Variants in CRMP1 observed in about 807,000 individuals in gnomAD.
The protein encoded by CRMP1 is collapsin response mediator protein 1, also known as dihydropyrimidinase-related protein 1.
A neutral mutation model predicts 68.3 loss-of-function variants in CRMP1; 19 were observed. The ratio of observed to expected loss-of-function variants is 0.28; its 90% confidence interval spans 0.19 to 0.41. CRMP1 has a LOEUF of 0.41. Ranked by LOEUF, CRMP1 falls within the 10% of genes least tolerant of loss-of-function variation. The probability of loss-of-function intolerance (pLI) is 1.00; values close to 1 mark genes in which losing one functional copy is unlikely to be tolerated. For missense variants in CRMP1, 791 were observed against 967.4 expected, an observed-to-expected ratio of 0.82 and a Z score of 2.42; for synonymous variants, 439 against 399.6, an observed-to-expected ratio of 1.10 and a Z score of -1.18.
At chr4:5,848,289 T>C (rs1216638347) in intron 6 of CRMP1, among the ~76,000 whole-genome samples, 2 of 152,146 alleles carry the variant, frequency 1.3e-5, no homozygotes, top group Non-Finnish European at 2.9e-5. Flanking sequence ...GGCTGTATTC[T>C]CACCTGTAAT....
intron 1 of CRMP1, among the ~76,000 whole-genome samples, chr4:5,873,879 T>C (rs1714631551): frequency 6.6e-6 from 1 of 152,062 alleles, no homozygotes; most frequent in Non-Finnish European, 1.5e-5. Flanking sequence ...CCCAGTGCCA[T>C]GTGTAAAGGG....
rs530570093 is a variant in CRMP1, at chr4:5,841,958, A to G, written c.1033-530T>C. On this transcript the variant is annotated intron_variant, in intron 7 of 13. Transcript: ENST00000324989. This position sits in a 1 kb window ranked among gnomAD's most constrained non-coding sequence, Gnocchi z 6.9. Reference sequence around the variant, plus strand: ...CACTTTGGGAGGCCAAGACGGATGGATCACTTGAGGTCGGAAGTTTCAGAC... The same window carrying G: ...CACTTTGGGAGGCCAAGACGGATGGGTCACTTGAGGTCGGAAGTTTCAGAC... Among the ~76,000 whole-genome samples, 2 of 152,342 alleles carry G rather than the reference A, an allele frequency of 1.3e-5. No individual in the cohort carries two copies. The highest frequency in any genetic ancestry group is 4.8e-5 in the African/African-American group (2 of 41,580).
rs1310323674 is a variant in CRMP1 at position 5,853,825 on chromosome 4, C to T, written c.820+2318G>A. ...GAACCCTATGTTAAGGGAAATAAGT[C>T]AGGCACAGAAAGGCAAACACTGCAG... On this transcript the variant is annotated intron_variant, in intron 4 of 13. Coordinates refer to ENST00000324989, the MANE Select transcript of CRMP1 (RefSeq NM_001014809.3). The surrounding 1 kb of genome is among the most constrained non-coding windows in gnomAD (Gnocchi z 4.7). Among the ~76,000 whole-genome samples the T allele has an allele frequency of 6.6e-6, 1 of 152,234 alleles. No individual in the cohort carries two copies. The highest frequency in any genetic ancestry group is 6.5e-5 in the Admixed American group (1 of 15,288).
chr4:5,821,983 A>G lies in CRMP1; in HGVS notation c.1970-132T>C. On this transcript the variant is annotated intron_variant, in intron 13 of 13. Coordinates refer to ENST00000324989, the MANE Select transcript of CRMP1 (RefSeq NM_001014809.3). The surrounding 1 kb of genome is among the most constrained non-coding windows in gnomAD (Gnocchi z 4.4). ...TTCAGGGCTCAGTCCAGGACCAGCC[A>G]TGGGAAGCCTCCCTGGCCTCCACAG... The G allele has an allele frequency of 1.6e-6, 1 of 633,416 alleles. No homozygotes were observed. Among genetic ancestry groups the G allele is most frequent in the Non-Finnish European group, 2.4e-6 (1 of 417,436 alleles). 39.2% of individuals were successfully genotyped at this position (633,416 alleles called of 1,614,324 possible).
chr4:5,836,038 G>A lies in CRMP1; in HGVS notation c.1500C>T (p.Thr500=). The A allele has an allele frequency of 6.3e-7, 1 of 1,586,790 alleles. No homozygotes were observed. Among genetic ancestry groups the A allele is most frequent in the South Asian group, 1.2e-5 (1 of 86,220 alleles). ...DENQFVAVTS[T]NAAKIFNLYP... is the part of the protein sequence containing the mutation. The stretch of plus-strand genomic sequence containing the variant: ...ACAGGTTAAAGATCTTGGCTGCATT[G>A]GTGCTGGTGACAGCGACAAACTGGT... The change falls in exon 11 of 14, where the codon ACC becomes ACT. Residue 500 remains threonine, a synonymous_variant. Transcript: ENST00000324989.
rs200099288 is a variant in CRMP1 at position 5,841,385 on chromosome 4, C to T, written c.1076G>A (p.Arg359Gln). ...AVFRAITIAGRINCPVYITKV... is the reference protein window; with the variant it reads ...AVFRAITIAGQINCPVYITKV... ...GGTGATGTACACAGGGCAGTTGATC[C>T]GGCCCGCAATGGTGATGGCCCGGAA... Residue 359 changes from arginine (R) to glutamine (Q), a missense_variant, in exon 8 of 14, where the codon CGG (arginine) becomes CAG (glutamine). By Grantham distance (43) the Arg-to-Gln change is conservative. Transcript: ENST00000324989. This position sits in a 1 kb window ranked among gnomAD's most constrained non-coding sequence, Gnocchi z 6.9. 95 of 1,614,042 alleles carry T rather than the reference C, an allele frequency of 5.9e-5. No individual in the cohort carries two copies. Among genetic ancestry groups the T allele is most frequent in the Non-Finnish European group, 7.0e-5 (83 of 1,180,038 alleles).
intron 13 of CRMP1, among the ~76,000 whole-genome samples, chr4:5,822,584 G>A (rs1034432849): frequency 6.6e-6 from 1 of 151,944 alleles, no homozygotes; most frequent in Non-Finnish European, 1.5e-5. Flanking sequence ...GCATAAAGAT[G>A]TAAAATTCTA....
In CRMP1 at chr4:5,841,444, A is replaced by G. The variant is rs770276964; in HGVS notation, c.1033-16T>C. 3.7e-6 allele frequency: 6 copies of G among 1,613,512 alleles called. No individual in the cohort carries two copies. The highest frequency in any genetic ancestry group is 3.3e-5 in the South Asian group (3 of 91,054). ...CGGCCTCCAGCTGAACACGGCACAC[A>G]CAGTGTCACAGGAGGGAAGGCTGGT... is the stretch of plus-strand genomic sequence containing the variant. On this transcript the variant is annotated splice_polypyrimidine_tract_variant and intron_variant, in intron 7 of 13. Coordinates refer to ENST00000324989, the MANE Select transcript of CRMP1 (RefSeq NM_001014809.3). This position sits in a 1 kb window ranked among gnomAD's most constrained non-coding sequence, Gnocchi z 6.9.
At position 5,838,293 on chromosome 4, in the gene CRMP1, G is replaced by T. The variant is rs771410007; in HGVS notation, c.1310+1229C>A. Among the ~76,000 whole-genome samples, 104 of 152,286 alleles carry T rather than the reference G, an allele frequency of 6.8e-4. 1 individual carries two copies. Among genetic ancestry groups the T allele is most frequent in the Middle Eastern group, 6.8e-3 (2 of 294 alleles). ...AGGGCAGAGGAGGCCCAGGGAGGGA[G>T]GTTGGTCAGGGCGTGTGCACCGGAT... On this transcript the variant is annotated intron_variant, in intron 9 of 13. Transcript: ENST00000324989. This position sits in a 1 kb window ranked among gnomAD's most constrained non-coding sequence, Gnocchi z 4.9.
chr4:5,857,129 C>CTAT (rs1713187652), intron 3 of CRMP1, among the ~76,000 whole-genome samples: 1 of 144,994 alleles, frequency 6.9e-6, no homozygotes, highest in African/African-American at 2.6e-5. Context: ...ATCACCATCA[C>CTAT]CACCACCACC....
intron 1 of CRMP1, among the ~76,000 whole-genome samples, chr4:5,868,271 A>C (rs369780356): frequency 0.097 from 2,397 of 24,628 alleles, 45 homozygotes; most frequent in South Asian, 0.14. Flanking sequence ...CTATATATAT[A>C]TATATATATA....
chr4:5,872,466 C>T lies in CRMP1; in HGVS notation c.382-5710G>A, dbSNP rs373870771. On this transcript the variant is annotated intron_variant, in intron 1 of 13. Transcript: ENST00000324989. This position sits in a 1 kb window ranked among gnomAD's most constrained non-coding sequence, Gnocchi z 4.6. ...CTTTGGGAGGCCGAGGTTGGCGGAT[C>T]ACCTGAGGTTAGGAGTTTGAGACCA... Among the ~76,000 whole-genome samples, 3 of 152,122 alleles carry T rather than the reference C, an allele frequency of 2.0e-5. No homozygotes were observed. The highest frequency in any genetic ancestry group is 2.9e-5 in the Non-Finnish European group (2 of 68,024).
In CRMP1 at chr4:5,889,315, C is replaced by T. The variant is rs1206930577; in HGVS notation, c.381+3274G>A. Among the ~76,000 whole-genome samples the T allele has an allele frequency of 6.6e-6, 1 of 152,174 alleles. No homozygotes were observed. The highest frequency in any genetic ancestry group is 1.5e-5 in the Non-Finnish European group (1 of 68,028). On this transcript the variant is annotated intron_variant, in intron 1 of 13. Coordinates refer to ENST00000324989, the MANE Select transcript of CRMP1 (RefSeq NM_001014809.3). The surrounding 1 kb of genome is among the most constrained non-coding windows in gnomAD (Gnocchi z 4.5). Reference sequence around the variant, plus strand: ...CCACCAGGTCACCCCACAGAATTGCCTCCAAGACAGCAGGTGTTTGGAGGG... The same window carrying T: ...CCACCAGGTCACCCCACAGAATTGCTTCCAAGACAGCAGGTGTTTGGAGGG...
intron 1 of CRMP1, among the ~76,000 whole-genome samples, chr4:5,867,173 T>A (rs948940584): frequency 9.8e-5 from 15 of 152,338 alleles, no homozygotes; most frequent in African/African-American, 3.6e-4. Context: ...ACGAACTCAA[T>A]TAACTTAATA....
Position 5,833,259 on chromosome 4 carries a change from C to T in CRMP1, c.1623+2656G>A, listed in dbSNP as rs565532749. 1.4e-3 allele frequency among the ~76,000 whole-genome samples: 131 copies of T among 90,840 alleles called. 21 individuals are homozygous for T. Among genetic ancestry groups the T allele is most frequent in the Admixed American group, 2.0e-3 (21 of 10,528 alleles). 59.6% of individuals were successfully genotyped at this position (90,840 alleles called of 152,430 possible). ...TCGGCTCACCGCAAGCTCCGCCTCC[C>T]GGGTTCACGCCATTCTCCTGCCTCA... is the stretch of plus-strand genomic sequence containing the variant. On this transcript the variant is annotated intron_variant, in intron 11 of 13. Transcript: ENST00000324989.
chr4:5,876,725 G>C (rs569481723), intron 1 of CRMP1, among the ~76,000 whole-genome samples: 1 of 152,070 alleles, frequency 6.6e-6, no homozygotes, highest in African/African-American at 2.4e-5. Context: ...CAAGATGATC[G>C]GTAGGCATAT....
rs1488369984 is a variant in CRMP1 at position 5,881,191 on chromosome 4, C to T, written c.381+11398G>A. ...AACTACAACCTCATATATCCACAAA[C>T]ATTGCTTTCTTCCTTTTAGCTGCTT... On this transcript the variant is annotated intron_variant, in intron 1 of 13. Coordinates refer to ENST00000324989, the MANE Select transcript of CRMP1 (RefSeq NM_001014809.3). The surrounding 1 kb of genome is among the most constrained non-coding windows in gnomAD (Gnocchi z 4.6). Among the ~76,000 whole-genome samples, 1 of 152,204 alleles carries T rather than the reference C, an allele frequency of 6.6e-6. No individual in the cohort carries two copies. The highest frequency in any genetic ancestry group is 1.5e-5 in the Non-Finnish European group (1 of 68,032).
chr4:5,888,430 G>A lies in CRMP1; in HGVS notation c.381+4159C>T. ...GTGGATGCCCACGCGCGGCTGCCCC[G>A]GCTGCTCGGCCCGCCCGCCGCCGCT... On this transcript the variant is annotated intron_variant, in intron 1 of 13. Transcript: ENST00000324989. The surrounding 1 kb of genome is among the most constrained non-coding windows in gnomAD (Gnocchi z 6.4). The A allele has an allele frequency of 8.2e-7, 1 of 1,216,400 alleles. No individual in the cohort carries two copies. The highest frequency in any genetic ancestry group is 1.0e-6 in the Non-Finnish European group (1 of 978,240). 75.4% of individuals were successfully genotyped at this position (1,216,400 alleles called of 1,614,324 possible).
rs1434799811 is a variant in CRMP1 at position 5,877,392 on chromosome 4, T to C, written c.382-10636A>G. 6.6e-6 allele frequency among the ~76,000 whole-genome samples: 1 copy of C among 152,224 alleles called. No individual in the cohort carries two copies. Among genetic ancestry groups the C allele is most frequent in the Non-Finnish European group, 1.5e-5 (1 of 68,040 alleles). Reference sequence around the variant, plus strand: ...ATAGCTCAAATACGTCAAACTTCCATGACTTGGTCCCTACCTTGAATAACC... The same window carrying C: ...ATAGCTCAAATACGTCAAACTTCCACGACTTGGTCCCTACCTTGAATAACC... On this transcript the variant is annotated intron_variant, in intron 1 of 13. Transcript: ENST00000324989. This position sits in a 1 kb window ranked among gnomAD's most constrained non-coding sequence, Gnocchi z 4.3.
Sources: allele counts gnomAD v4.1 joint callset (sites outside exome capture counted in the v4.1 genomes callset), GRCh38; gene constraint gnomAD v4.1.1; non-coding constraint Gnocchi (gnomAD v3.1); transcripts MANE v1.5; gene names NCBI Gene and HGNC (gene_info 2026-07-23, HGNC 2026-07-21).